Variants in TMEM266 observed in about 807,000 individuals in gnomAD.
TMEM266 encodes transmembrane protein 266.
In TMEM266, 33 loss-of-function variants were observed where a neutral mutation model predicts 50.5. The observed-to-expected ratio is 0.65, with a 90% confidence interval of 0.50 to 0.87. TMEM266 has a LOEUF of 0.87. Ranked by LOEUF, TMEM266 falls within the 40% of genes least tolerant of loss-of-function variation. The pLI is 0.00. For synonymous variants in TMEM266, 310 were observed against 292.3 expected (o/e 1.06, Z -0.62); for missense variants, 655 against 695.1 (o/e 0.94, Z 0.65).
intron 1 of TMEM266, among the ~76,000 whole-genome samples, chr15:76,115,183 G>A (rs997247318): frequency 1.3e-5 from 2 of 152,098 alleles, no homozygotes; most frequent in African/African-American, 4.8e-5. Flanking sequence ...CTCCCCTCAA[G>A]AACGCCACCT....
chr15:76,180,255 CCT>C (rs1203139825), intron 8 of TMEM266, among the ~76,000 whole-genome samples: 1 of 152,086 alleles, frequency 6.6e-6, no homozygotes, highest in Non-Finnish European at 1.5e-5. Flanking sequence ...TCTGTTATGT[CCT>C]CTGTTTGCTC....
At chr15:76,105,918 T>C (rs2037072736) in intron 1 of TMEM266, among the ~76,000 whole-genome samples, 1 of 152,202 alleles carries the variant, frequency 6.6e-6, no homozygotes, top group Non-Finnish European at 1.5e-5. Flanking sequence ...ACAGTAACAT[T>C]GTGTACAGGG....
intron 9 of TMEM266, among the ~76,000 whole-genome samples, chr15:76,201,643 AGG>A (rs762115777): frequency 2.6e-5 from 4 of 152,180 alleles, no homozygotes; most frequent in Non-Finnish European, 5.9e-5. Context: ...TACTGTGTGC[AGG>A]AACAGTGCAG....
At chr15:76,150,035 G>T (rs1419861895) in intron 3 of TMEM266, among the ~76,000 whole-genome samples, 2 of 152,220 alleles carry the variant, frequency 1.3e-5, no homozygotes, top group East Asian at 3.8e-4. Context: ...CATAGAACTG[G>T]CACGAGTGGA....
chr15:76,063,226 G>A (rs909844655), intron 1 of TMEM266, among the ~76,000 whole-genome samples: 2 of 152,182 alleles, frequency 1.3e-5, no homozygotes, highest in African/African-American at 4.8e-5. Context: ...TCATATTGCA[G>A]TGACCACCCT....
chr15:76,129,722 CTT>C (rs752725808), intron 1 of TMEM266, among the ~76,000 whole-genome samples: 2 of 152,028 alleles, frequency 1.3e-5, no homozygotes, highest in East Asian at 3.8e-4. Context: ...CTGTGGGAAA[CTT>C]TGTCAGACAA....
Position 76,153,547 on chromosome 15 carries a change from G to A in TMEM266, c.228-3057G>A, listed in dbSNP as rs559273215. 3.9e-5 allele frequency among the ~76,000 whole-genome samples: 6 copies of A among 152,338 alleles called. No homozygotes were observed. The highest frequency in any genetic ancestry group is 7.3e-5 in the Non-Finnish European group (5 of 68,032). ...CGGTAATGGGCATTGGGGAGAATGT[G>A]GAATTGGAGCCAGGTGTCCTTGGGC... On this transcript the variant is annotated intron_variant, in intron 3 of 10. Coordinates refer to ENST00000388942, the MANE Select transcript of TMEM266 (RefSeq NM_152335.3). This position sits in a 1 kb window ranked among gnomAD's most constrained non-coding sequence, Gnocchi z 4.2.
Position 76,134,216 on chromosome 15 carries a change from ACAG to A in TMEM266, c.-44_-42del. On this transcript the variant is annotated 5_prime_UTR_variant, in exon 2 of 11. Coordinates refer to ENST00000388942, the MANE Select transcript of TMEM266 (RefSeq NM_152335.3). Reference sequence around the variant, plus strand: ...GTAGAACCCACGCTTGGAAATGCTGACAGCAGGCTTCAGGACAGCTGAGCCCCA... The same window carrying A: ...GTAGAACCCACGCTTGGAAATGCTGACAGGCTTCAGGACAGCTGAGCCCCA... 1 of 1,602,502 alleles carries A rather than the reference ACAG, an allele frequency of 6.2e-7. No homozygotes were observed. Among genetic ancestry groups the A allele is most frequent in the East Asian group, 2.2e-5 (1 of 44,822 alleles).
At position 76,096,080 on chromosome 15, in the gene TMEM266, A is replaced by AT. The variant is rs534990775; in HGVS notation, c.-97+36070dup. 5.6e-4 allele frequency among the ~76,000 whole-genome samples: 85 copies of AT among 151,914 alleles called. No individual in the cohort carries two copies. The East Asian group carries it at 9.5e-3, about 17-fold the overall frequency. Reference sequence around the variant, plus strand: ...AAAACACCAGCTCCTGGATTCATTGATTTTTTGAAGGATTTTTCTTGTCTC... The same window carrying AT: ...AAAACACCAGCTCCTGGATTCATTGATTTTTTTGAAGGATTTTTCTTGTCTC... On this transcript the variant is annotated intron_variant, in intron 1 of 10. Coordinates refer to ENST00000388942, the MANE Select transcript of TMEM266 (RefSeq NM_152335.3).
At chr15:76,154,624 GCCTCTT>G in intron 3 of TMEM266, among the ~76,000 whole-genome samples, 1 of 152,212 alleles carries the variant, frequency 6.6e-6, no homozygotes, top group Non-Finnish European at 1.5e-5. Flanking sequence ...ATCCAACAAG[GCCTCTT>G]CCTCTTCCTC....
At chr15:76,163,385 G>A (rs1360455905) in intron 5 of TMEM266, among the ~76,000 whole-genome samples, 4 of 152,218 alleles carry the variant, frequency 2.6e-5, no homozygotes, top group African/African-American at 9.6e-5. Flanking sequence ...AGCAGTGAGA[G>A]TGGGTGCCCC....
At chr15:76,188,841 A>AATG (rs1201643623) in intron 8 of TMEM266, among the ~76,000 whole-genome samples, 1 of 152,196 alleles carries the variant, frequency 6.6e-6, no homozygotes, top group Non-Finnish European at 1.5e-5. Context: ...ACCCCAATGG[A>AATG]ATGATAGTAA....
intron 1 of TMEM266, among the ~76,000 whole-genome samples, chr15:76,080,605 C>T (rs2036677191): frequency 1.3e-5 from 2 of 151,884 alleles, no homozygotes; most frequent in South Asian, 2.1e-4. Context: ...TCCTGCCGTC[C>T]TCTCATTAGG....
intron 8 of TMEM266, among the ~76,000 whole-genome samples, chr15:76,189,200 AAGAAAGAAAAAGACAG>A (rs956658661): frequency 6.6e-6 from 1 of 152,170 alleles, no homozygotes; most frequent in South Asian, 2.1e-4. Context: ...TCAGAAAAGA[AAGAAAGAAAAAGACAG>A]AGAAAGAGAA....
At chr15:76,107,387 A>G (rs554588401) in intron 1 of TMEM266, among the ~76,000 whole-genome samples, 3 of 152,196 alleles carry the variant, frequency 2.0e-5, no homozygotes, top group Non-Finnish European at 2.9e-5. Context: ...CACAGGGCAC[A>G]TGGTAAATGT....
intron 1 of TMEM266, among the ~76,000 whole-genome samples, chr15:76,118,977 A>G (rs1596116042): frequency 6.6e-6 from 1 of 152,128 alleles, no homozygotes; most frequent in African/African-American, 2.4e-5. Context: ...CTGGTATTCA[A>G]ATGAAGCTCT....
chr15:76,082,353 G>T (rs1439780864), intron 1 of TMEM266, among the ~76,000 whole-genome samples: 1 of 152,188 alleles, frequency 6.6e-6, no homozygotes, highest in Admixed American at 6.5e-5. Context: ...TTGGCTTCTG[G>T]TGAGGTTTTC....
intron 1 of TMEM266, among the ~76,000 whole-genome samples, chr15:76,116,994 G>A (rs2037260328): frequency 6.6e-6 from 1 of 151,350 alleles, no homozygotes; most frequent in Admixed American, 6.6e-5. Context: ...CCACCTCCCG[G>A]GTTCCAGCGA....
At position 76,160,643 on chromosome 15, in the gene TMEM266, C is replaced by T. The variant is rs2038004321; in HGVS notation, c.456+475C>T. Among the ~76,000 whole-genome samples, 1 of 152,142 alleles carries T rather than the reference C, an allele frequency of 6.6e-6. No homozygotes were observed. The highest frequency in any genetic ancestry group is 1.5e-5 in the Non-Finnish European group (1 of 68,022). ...TGGGTGGGGGAACGGGGTCACAGGGCCAGGCAGTGGACCTGACCTGGTCCT... is the reference window on the plus strand; with the variant it reads ...TGGGTGGGGGAACGGGGTCACAGGGTCAGGCAGTGGACCTGACCTGGTCCT... On this transcript the variant is annotated intron_variant, in intron 5 of 10. Coordinates refer to ENST00000388942, the MANE Select transcript of TMEM266 (RefSeq NM_152335.3). The surrounding 1 kb of genome is among the most constrained non-coding windows in gnomAD (Gnocchi z 5.7).
Sources: allele counts gnomAD v4.1 joint callset (sites outside exome capture counted in the v4.1 genomes callset), GRCh38; gene constraint gnomAD v4.1.1; non-coding constraint Gnocchi (gnomAD v3.1); transcripts MANE v1.5; gene names NCBI Gene and HGNC (gene_info 2026-07-23, HGNC 2026-07-21).